Variants in PDE4D observed in about 807,000 individuals in gnomAD.
PDE4D encodes the protein 3',5'-cyclic-AMP phosphodiesterase 4D.
Under a neutral mutation model 87.4 loss-of-function variants are expected in PDE4D, and 24 were observed. That is an observed-to-expected ratio of 0.27 (90% CI 0.20 to 0.39). PDE4D has a LOEUF of 0.39. Ranked by LOEUF, PDE4D falls within the 10% of genes least tolerant of loss-of-function variation. The pLI is 1.00. For synonymous variants in PDE4D, 384 were observed against 383.2 expected (o/e 1.00, Z -0.02); for missense variants, 714 against 1,041.0 (o/e 0.69, Z 4.32).
At chr5:59,470,078 T>C (rs1268367306) in intron 1 of PDE4D, among the ~76,000 whole-genome samples, 1 of 152,128 alleles carries the variant, frequency 6.6e-6, no homozygotes, top group Non-Finnish European at 1.5e-5. Flanking sequence ...GTAAATTTTA[T>C]GTGGTTAGCT....
At position 60,091,621 on chromosome 5, in the gene PDE4D, T is replaced by A. The variant is rs1775119004; in HGVS notation, c.42+93936A>T. 1.3e-5 allele frequency among the ~76,000 whole-genome samples: 2 copies of A among 152,128 alleles called. 1 individual carries two copies. Among genetic ancestry groups the A allele is most frequent in the South Asian group, 4.1e-4 (2 of 4,824 alleles). ...AATAGATCTACAGATGACCCAGCAA[T>A]CTCACTGCTGGGAATACATTTTAAA... On this transcript the variant is annotated intron_variant, in intron 2 of 16. Transcript: ENST00000502484.
intron 1 of PDE4D, among the ~76,000 whole-genome samples, chr5:59,575,219 C>T (rs116466128): frequency 1.2e-3 from 188 of 152,088 alleles, no homozygotes; most frequent in African/African-American, 4.2e-3. Flanking sequence ...ATAAAAAGAA[C>T]GAAGAGCCAC....
intron 1 of PDE4D, among the ~76,000 whole-genome samples, chr5:59,483,219 G>A (rs1373751458): frequency 1.3e-5 from 2 of 152,288 alleles, no homozygotes; most frequent in Admixed American, 1.3e-4. Flanking sequence ...ATTGGCTGCA[G>A]ATCTTGGAAC....
At chr5:58,995,502 T>C (rs1176149984) in intron 6 of PDE4D, among the ~76,000 whole-genome samples, 2 of 152,212 alleles carry the variant, frequency 1.3e-5, no homozygotes. Flanking sequence ...CTTTACAAAG[T>C]TATATTTTCT....
Position 59,888,131 on chromosome 5 carries a change from A to G in PDE4D, c.455+5037T>C, listed in dbSNP as rs753849231. On this transcript the variant is annotated intron_variant, in intron 1 of 14. Coordinates refer to ENST00000340635, the MANE Select transcript of PDE4D (RefSeq NM_001104631.2). ...CTCGACATTCCATAATCTTAGAGAA[A>G]TATGTCTTGTTGATGTGGTCAATTA... Among the ~76,000 whole-genome samples the G allele has an allele frequency of 2.6e-5, 4 of 152,222 alleles. No individual in the cohort carries two copies. In the South Asian group the frequency reaches 8.3e-4, roughly 32 times the overall value.
chr5:59,423,358 T>C (rs1482547527), intron 1 of PDE4D, among the ~76,000 whole-genome samples: 2 of 152,144 alleles, frequency 1.3e-5, no homozygotes, highest in Non-Finnish European at 2.9e-5. Context: ...TATTTTGTAA[T>C]TGTAATGAAA....
intron 1 of PDE4D, among the ~76,000 whole-genome samples, chr5:59,692,726 T>G (rs1183476562): frequency 1.3e-5 from 2 of 152,126 alleles, no homozygotes; most frequent in Non-Finnish European, 2.9e-5. Context: ...ATGCATCGCT[T>G]TAGCTTGTTT....
intron 1 of PDE4D, among the ~76,000 whole-genome samples, chr5:59,822,981 A>G (rs1769879557): frequency 6.6e-6 from 1 of 152,204 alleles, no homozygotes; most frequent in South Asian, 2.1e-4. Flanking sequence ...CTTGTCACGT[A>G]AAAGAGTTAT....
chr5:59,690,374 T>C (rs1307739287), intron 1 of PDE4D, among the ~76,000 whole-genome samples: 1 of 152,042 alleles, frequency 6.6e-6, no homozygotes, highest in African/African-American at 2.4e-5. Context: ...AACAGAGATA[T>C]AGACTAATGG....
intron 6 of PDE4D, among the ~76,000 whole-genome samples, chr5:59,020,871 C>A (rs764692780): frequency 6.6e-6 from 1 of 152,152 alleles, no homozygotes; most frequent in Non-Finnish European, 1.5e-5. Context: ...TGACAAAGAC[C>A]TCATCCTGGG....
chr5:59,528,995 A>C (rs1311983648), intron 1 of PDE4D: 1 of 461,778 alleles, frequency 2.2e-6, no homozygotes, highest in Non-Finnish European at 4.4e-6. Context: ...CAGCTGAAAC[A>C]AGAGTACCTG....
At chr5:60,273,861 A>G (rs1414187633) in intron 1 of PDE4D, among the ~76,000 whole-genome samples, 2 of 152,180 alleles carry the variant, frequency 1.3e-5, no homozygotes, top group African/African-American at 4.8e-5. Context: ...CAAAAAAAAA[A>G]TGTCCACTCA....
At chr5:59,587,496 T>C in intron 1 of PDE4D, 1 of 985,216 alleles carries the variant, frequency 1.0e-6, no homozygotes, top group Non-Finnish European at 1.2e-6. Flanking sequence ...CCTGCTGGAG[T>C]CCCCCAGCGC....
At chr5:59,057,596 T>C (rs1438099755) in intron 5 of PDE4D, among the ~76,000 whole-genome samples, 1 of 152,200 alleles carries the variant, frequency 6.6e-6, no homozygotes, top group Non-Finnish European at 1.5e-5. Context: ...TGTTATCCAA[T>C]GCTGGATAAC....
chr5:59,914,749 T>C (rs1159276749), intron 3 of PDE4D, among the ~76,000 whole-genome samples: 3 of 151,978 alleles, frequency 2.0e-5, no homozygotes, highest in African/African-American at 7.2e-5. Flanking sequence ...GAGATACATA[T>C]AGCAGATTGG....
chr5:59,552,598 C>T (rs1818302353), intron 1 of PDE4D, among the ~76,000 whole-genome samples: 1 of 152,188 alleles, frequency 6.6e-6, no homozygotes, highest in Non-Finnish European at 1.5e-5. Context: ...CTATATTCTT[C>T]TGTTGCTATT....
Position 59,988,460 on chromosome 5 carries a change from T to C in PDE4D, c.272+28A>G, listed in dbSNP as rs376657339. ...AACAATCACCATCTAAAATATAAAA[T>C]GGGGAAATGACATCTGAGGGCACTC... On this transcript the variant is annotated intron_variant, in intron 3 of 16. Transcript: ENST00000502484. 1.2e-5 allele frequency: 17 copies of C among 1,410,542 alleles called. No individual in the cohort carries two copies. The African/African-American group carries it at 2.4e-4, about 20-fold the overall frequency. The allele number at this position is 1,410,542 out of a possible 1,614,324, so 87.4% of individuals were successfully genotyped here. A position where few individuals can be genotyped will look rare whatever the true frequency, so the allele number is the denominator to read the frequency against.
chr5:59,363,186 G>A (rs564239943), intron 1 of PDE4D, among the ~76,000 whole-genome samples: 1 of 152,304 alleles, frequency 6.6e-6, no homozygotes, highest in South Asian at 2.1e-4. Context: ...TCATTTGAGA[G>A]AGAGCCATTG....
chr5:60,256,715 T>C (rs1047973471), intron 1 of PDE4D, among the ~76,000 whole-genome samples: 13 of 151,936 alleles, frequency 8.6e-5, no homozygotes, highest in Non-Finnish European at 1.9e-4. Context: ...GCTGACATCA[T>C]GTGGAGGAGA....
Sources: allele counts gnomAD v4.1 joint callset (sites outside exome capture counted in the v4.1 genomes callset), GRCh38; gene constraint gnomAD v4.1.1; transcripts MANE v1.5; gene names NCBI Gene and HGNC (gene_info 2026-07-23, HGNC 2026-07-21).